CFAP210: variants seen among roughly 807,000 people sequenced by gnomAD.
The protein encoded by CFAP210 is cilia- and flagella- associated protein 210.
At chr2:169,663,071 C>G in the CFAP210 span, among the ~76,000 whole-genome samples, 4 of 152,202 alleles carry the variant, frequency 2.6e-5, no homozygotes, top group African/African-American at 9.6e-5. Context: ...AACCCCACCA[C>G]TATCGCTACC....
the CFAP210 span, among the ~76,000 whole-genome samples, chr2:169,681,833 G>A: frequency 6.6e-6 from 1 of 152,178 alleles, no homozygotes; most frequent in African/African-American, 2.4e-5. Context: ...TTGTTCTTCT[G>A]GGAGAGACAT....
At chr2:169,675,560 G>C in the CFAP210 span, among the ~76,000 whole-genome samples, 2 of 152,094 alleles carry the variant, frequency 1.3e-5, no homozygotes, top group South Asian at 4.1e-4. Context: ...ACTATTTCGA[G>C]GACAGTACCA....
At chr2:169,680,924 A>T in the CFAP210 span, 1 of 1,198,060 alleles carries the variant, frequency 8.3e-7, no homozygotes, top group Non-Finnish European at 1.2e-6. Context: ...CATGTAAAAA[A>T]ATTTATAAAA....
At chr2:169,646,721 G>C in the CFAP210 span, among the ~76,000 whole-genome samples, 3 of 152,142 alleles carry the variant, frequency 2.0e-5, no homozygotes, top group Non-Finnish European at 4.4e-5. Flanking sequence ...GGTTGAGAAG[G>C]CACTGAGTGG....
chr2:169,653,064 A>ATGTGTGTATATATATG, the CFAP210 span, among the ~76,000 whole-genome samples: 5 of 96,240 alleles, frequency 5.2e-5, no homozygotes, highest in Non-Finnish European at 8.1e-5. Context: ...ATATATATAT[A>ATGTGTGTATATATATG]TATGTATGTG....
At chr2:169,661,019 C>G in the CFAP210 span, 1 of 485,398 alleles carries the variant, frequency 2.1e-6, no homozygotes, top group African/African-American at 2.0e-5. Context: ...AAATGAAGAA[C>G]TTCTGAAAAC....
the CFAP210 span, chr2:169,662,532 C>T: frequency 9.3e-7 from 1 of 1,077,560 alleles, no homozygotes; most frequent in African/African-American, 1.6e-5. Flanking sequence ...TGAGTTGAAG[C>T]TGCAAGGAAA....
the CFAP210 span, among the ~76,000 whole-genome samples, chr2:169,663,264 CCT>C: frequency 6.9e-6 from 1 of 144,862 alleles, no homozygotes; most frequent in African/African-American, 2.6e-5. Flanking sequence ...CTCTATCTGC[CCT>C]CTCTCTCTTT....
At chr2:169,683,899 G>A in the CFAP210 span, among the ~76,000 whole-genome samples, 2 of 152,194 alleles carry the variant, frequency 1.3e-5, no homozygotes, top group African/African-American at 4.8e-5. Context: ...GCTTGGGAAA[G>A]GCTTTTTACT....
chr2:169,678,803 C>G, the CFAP210 span, among the ~76,000 whole-genome samples: 1 of 151,182 alleles, frequency 6.6e-6, no homozygotes, highest in African/African-American at 2.4e-5. Context: ...CCAGACTAGG[C>G]GACAGAGTGA....
chr2:169,666,088 AC>A, the CFAP210 span, among the ~76,000 whole-genome samples: 1 of 152,122 alleles, frequency 6.6e-6, no homozygotes, highest in African/African-American at 2.4e-5. Flanking sequence ...TTACACAGGT[AC>A]TTTACCTTCT....
At chr2:169,657,120 A>G in the CFAP210 span, among the ~76,000 whole-genome samples, 3 of 152,124 alleles carry the variant, frequency 2.0e-5, no homozygotes, top group Non-Finnish European at 4.4e-5. Flanking sequence ...ACATGCATTT[A>G]AGCCTTCTCT....
the CFAP210 span, among the ~76,000 whole-genome samples, chr2:169,681,788 A>T: frequency 6.6e-6 from 1 of 152,226 alleles, no homozygotes; most frequent in Non-Finnish European, 1.5e-5. Flanking sequence ...AAACAGGACA[A>T]AAGGTTTACT....
the CFAP210 span, among the ~76,000 whole-genome samples, chr2:169,653,286 A>G: frequency 6.6e-6 from 1 of 151,662 alleles, no homozygotes; most frequent in Admixed American, 6.6e-5. Context: ...TCCTTAGAGC[A>G]GGCAGAGGCC....
chr2:169,674,766 C>A, the CFAP210 span: 1 of 1,556,178 alleles, frequency 6.4e-7, no homozygotes, highest in African/African-American at 1.4e-5. Context: ...AGAAGAAGTC[C>A]CGACTACAAA....
chr2:169,677,538 C>G, the CFAP210 span, among the ~76,000 whole-genome samples: 71 of 152,242 alleles, frequency 4.7e-4, no homozygotes, highest in Non-Finnish European at 7.5e-4. Flanking sequence ...AACCAAAACA[C>G]TCAACAATTT....
chr2:169,687,817 A>G, the CFAP210 span, among the ~76,000 whole-genome samples: 5 of 152,176 alleles, frequency 3.3e-5, no homozygotes, highest in Non-Finnish European at 5.9e-5. Context: ...CGGCCCCACA[A>G]TTCCCTTCTG....
chr2:169,691,262 T>A, the CFAP210 span, among the ~76,000 whole-genome samples: 1 of 152,226 alleles, frequency 6.6e-6, no homozygotes, highest in African/African-American at 2.4e-5. Context: ...TTCAGTTCCT[T>A]TTTATAATTT....
chr2:169,649,190 G>C, the CFAP210 span: 486 of 1,607,548 alleles, frequency 3.0e-4, 2 homozygotes, highest in African/African-American at 5.6e-3. Context: ...ACCATTTGCT[G>C]AATATGGGCA....
Sources: allele counts gnomAD v4.1 joint callset (sites outside exome capture counted in the v4.1 genomes callset), GRCh38; gene constraint gnomAD v4.1.1; transcripts MANE v1.5; gene names NCBI Gene and HGNC (gene_info 2026-07-23, HGNC 2026-07-21).